The following CDH18 variants were observed in gnomAD, a reference collection of about 807,000 sequenced individuals.
CDH18 encodes the protein cadherin-18.
A neutral mutation model predicts 67.9 loss-of-function variants in CDH18; 31 were observed. The observed-to-expected ratio is 0.46, with a 90% CI of 0.34 to 0.62. CDH18 has a LOEUF of 0.62. CDH18 is among the 20% of genes least tolerant of loss of function. CDH18 has a pLI of 0.01. For missense variants in CDH18, 890 were observed against 975.5 expected, an observed-to-expected ratio of 0.91 and a Z score of 1.17; for synonymous variants, 362 against 347.2, an observed-to-expected ratio of 1.04 and a Z score of -0.48.
At chr5:19,682,273 A>G (rs1271188099) in intron 5 of CDH18, among the ~76,000 whole-genome samples, 1 of 152,026 alleles carries the variant, frequency 6.6e-6, no homozygotes, top group African/African-American at 2.4e-5. Flanking sequence ...TCTTATTCTC[A>G]TCAGCATCAT....
At chr5:19,872,733 AT>A (rs1786465684) in intron 2 of CDH18, among the ~76,000 whole-genome samples, 2 of 152,214 alleles carry the variant, frequency 1.3e-5, no homozygotes, top group South Asian at 2.1e-4. Context: ...CTGACTCTTA[AT>A]GAATAAAAAC....
rs562170358 is a variant in CDH18, at chr5:20,574,715, A to G, written c.-580+747T>C. The stretch of plus-strand genomic sequence containing the variant: ...CTCTATTCTTCCCAGCAGAGGATTT[A>G]ATATGCGCGAAGTTCCCATATATTC... On this transcript the variant is annotated intron_variant, in intron 1 of 14. Transcript: ENST00000507958. 2.0e-5 allele frequency among the ~76,000 whole-genome samples: 3 copies of G among 152,248 alleles called. No individual in the cohort carries two copies. In the South Asian group the frequency reaches 6.2e-4, roughly 32 times the overall value.
At chr5:20,329,768 C>CAAAAAA (rs60246535) in intron 1 of CDH18, among the ~76,000 whole-genome samples, 11 of 62,564 alleles carry the variant, frequency 1.8e-4, no homozygotes, top group African/African-American at 3.1e-4. Context: ...GAAACTCCAT[C>CAAAAAA]AAAAAAAAAA....
intron 9 of CDH18, among the ~76,000 whole-genome samples, chr5:19,537,253 T>C (rs915425814): frequency 2.0e-5 from 3 of 152,162 alleles, no homozygotes; most frequent in Non-Finnish European, 2.9e-5. Context: ...TTTCTGGTTC[T>C]ATAGCAGTCT....
At chr5:19,813,353 TATAAAAAAACAGA>T (rs1206717961) in intron 3 of CDH18, among the ~76,000 whole-genome samples, 1 of 151,794 alleles carries the variant, frequency 6.6e-6, no homozygotes, top group Non-Finnish European at 1.5e-5. Context: ...TGTCAGATTC[TATAAAAAAACAGA>T]AAGTTAAAAC....
At chr5:19,868,220 A>G (rs1561474983) in intron 2 of CDH18, among the ~76,000 whole-genome samples, 2 of 152,300 alleles carry the variant, frequency 1.3e-5, no homozygotes, top group East Asian at 3.9e-4. Flanking sequence ...TAAATATAAT[A>G]ATGAATGATT....
rs58308147 is a variant in CDH18, at chr5:20,418,242, A to ATTTTTTTTT, written c.-580+157211_-580+157219dup. 5.1e-3 allele frequency among the ~76,000 whole-genome samples: 288 copies of ATTTTTTTTT among 56,890 alleles called. 12 individuals carry two copies. Among genetic ancestry groups the ATTTTTTTTT allele is most frequent in the African/African-American group, 8.6e-3 (104 of 12,038 alleles). 37.3% of individuals were successfully genotyped at this position (56,890 alleles called of 152,430 possible). A position where few individuals can be genotyped will look rare whatever the true frequency, so the allele number is the denominator to read the frequency against. ...AGGTGTCTGCCACCACTGCTGGCTA[A>ATTTTTTTTT]TTTTTTTTTTTTTTTTTTTTTTTTG... On this transcript the variant is annotated intron_variant, in intron 1 of 14. Transcript: ENST00000507958.
chr5:19,973,743 T>C (rs1798243245), intron 2 of CDH18, among the ~76,000 whole-genome samples: 1 of 152,094 alleles, frequency 6.6e-6, no homozygotes, highest in South Asian at 2.1e-4. Context: ...CTGCTTAGCA[T>C]ATTTGAGGAG....
At chr5:20,551,671 T>C (rs1757641032) in intron 1 of CDH18, among the ~76,000 whole-genome samples, 1 of 152,202 alleles carries the variant, frequency 6.6e-6, no homozygotes, top group African/African-American at 2.4e-5. Flanking sequence ...GACTAGTTAT[T>C]ATTTCTTTCT....
chr5:20,065,281 ATTTAAAGGT>A (rs1374702024), intron 2 of CDH18, among the ~76,000 whole-genome samples: 1 of 151,980 alleles, frequency 6.6e-6, no homozygotes, highest in African/African-American at 2.4e-5. Context: ...GACGTCTTTC[ATTTAAAGGT>A]TTTATGTTAA....
intron 1 of CDH18, among the ~76,000 whole-genome samples, chr5:20,347,276 A>G (rs1037963561): frequency 1.3e-5 from 2 of 152,126 alleles, no homozygotes; most frequent in East Asian, 1.9e-4. Context: ...GGCACCCCAC[A>G]TGGACAAGTC....
At chr5:19,853,441 A>C (rs1220636962) in intron 2 of CDH18, among the ~76,000 whole-genome samples, 2 of 152,148 alleles carry the variant, frequency 1.3e-5, no homozygotes, top group African/African-American at 4.8e-5. Flanking sequence ...ATTTGTGGAA[A>C]ACACAAACAC....
chr5:19,500,282 A>T (rs777627729), intron 11 of CDH18, among the ~76,000 whole-genome samples: 4 of 152,036 alleles, frequency 2.6e-5, no homozygotes, highest in Non-Finnish European at 4.4e-5. Context: ...GGGCTATTTT[A>T]TTTTTAATTT....
chr5:19,641,518 G>C lies in CDH18; in HGVS notation c.644-28917C>G, dbSNP rs181090174. ...ATGACCACGTGAGATTTATCAATTG[G>C]TTTGCAAGAATCGTTTAACATATGT... On this transcript the variant is annotated intron_variant, in intron 5 of 12. Transcript: ENST00000382275. Among the ~76,000 whole-genome samples, 46 of 152,014 alleles carry C rather than the reference G, an allele frequency of 3.0e-4. No homozygotes were observed. The East Asian group carries it at 8.7e-3, about 29-fold the overall frequency.
At position 20,460,892 on chromosome 5, in the gene CDH18, G is replaced by A. The variant is rs566659504; in HGVS notation, c.-580+114570C>T. 2.0e-5 allele frequency among the ~76,000 whole-genome samples: 3 copies of A among 152,260 alleles called. No individual in the cohort carries two copies. The East Asian group carries it at 5.8e-4, about 29-fold the overall frequency. The stretch of plus-strand genomic sequence containing the variant: ...TGTATAACTTTCTTTTTGTCGCCAT[G>A]AGTAACTTAACTGAGTACATAATTC... On this transcript the variant is annotated intron_variant, in intron 1 of 14. Transcript: ENST00000507958.
chr5:20,003,036 C>G (rs151162477), intron 2 of CDH18, among the ~76,000 whole-genome samples: 1 of 151,324 alleles, frequency 6.6e-6, no homozygotes, highest in Non-Finnish European at 1.5e-5. Flanking sequence ...AAATTAATTA[C>G]GATGTGAACC....
chr5:20,394,125 C>A (rs1216827688), intron 1 of CDH18, among the ~76,000 whole-genome samples: 1 of 151,896 alleles, frequency 6.6e-6, no homozygotes, highest in Admixed American at 6.6e-5. Context: ...AAAAAAAGTA[C>A]AAATCTGAAG....
chr5:20,157,830 TG>T (rs1258593845), intron 2 of CDH18, among the ~76,000 whole-genome samples: 2 of 151,900 alleles, frequency 1.3e-5, no homozygotes, highest in Non-Finnish European at 2.9e-5. Flanking sequence ...TTAGTAGAGA[TG>T]GGGTTTCACC....
intron 3 of CDH18, among the ~76,000 whole-genome samples, chr5:19,814,364 A>T (rs1779068762): frequency 6.6e-6 from 1 of 152,114 alleles, no homozygotes; most frequent in Non-Finnish European, 1.5e-5. Flanking sequence ...TCCTAAAAAA[A>T]AACACTCTTG....
Sources: gnomAD v4.1 joint callset for allele counts (sites outside exome capture counted in the v4.1 genomes callset) on GRCh38, gnomAD v4.1.1 for gene constraint, MANE v1.5 for transcripts, NCBI Gene and HGNC (gene_info 2026-07-23, HGNC 2026-07-21) for gene names.